The following ANK3 variants were observed in gnomAD, a reference collection of about 807,000 sequenced individuals.
ANK3 encodes the protein ankyrin 3.
ANK3 carries 57 observed loss-of-function variants against 370.9 expected under a neutral mutation model. The observed-to-expected ratio is 0.15, with a 90% CI of 0.12 to 0.19. ANK3 has a LOEUF of 0.19. Ranked by LOEUF, ANK3 falls within the 10% of genes least tolerant of loss-of-function variation. The pLI, the probability that ANK3 is intolerant of heterozygous loss-of-function variation, is 1.00. For synonymous variants in ANK3, 1,929 were observed against 1,946.3 expected (o/e 0.99, Z 0.23); for missense variants, 4,439 against 5,302.1 (o/e 0.84, Z 5.06).
At chr10:60,675,288 C>A (rs972876697) in intron 1 of ANK3, among the ~76,000 whole-genome samples, 2 of 152,196 alleles carry the variant, frequency 1.3e-5, no homozygotes, top group African/African-American at 4.8e-5. Flanking sequence ...CTATAAGGAT[C>A]TAGGCTACCT....
At chr10:60,639,785 G>T (rs535315950) in intron 1 of ANK3, among the ~76,000 whole-genome samples, 1 of 151,922 alleles carries the variant, frequency 6.6e-6, no homozygotes, top group Non-Finnish European at 1.5e-5. Flanking sequence ...TTCTAAAGAA[G>T]AATGGAAAAC....
At chr10:60,079,272 T>C (rs1276013769) in intron 36 of ANK3, among the ~76,000 whole-genome samples, 1 of 151,386 alleles carries the variant, frequency 6.6e-6, no homozygotes, top group Non-Finnish European at 1.5e-5. Flanking sequence ...TCAGCCCTTA[T>C]GTTTCTGGGA....
intron 24 of ANK3, among the ~76,000 whole-genome samples, chr10:60,135,600 G>C (rs61684596): frequency 0.015 from 2,347 of 152,256 alleles, 62 homozygotes; most frequent in African/African-American, 0.053. Flanking sequence ...AAAACCATCT[G>C]GATCTAAAAG....
At chr10:60,513,980 C>T (rs2076153489) in intron 2 of ANK3, among the ~76,000 whole-genome samples, 1 of 152,100 alleles carries the variant, frequency 6.6e-6, no homozygotes, top group South Asian at 2.1e-4. Context: ...GACAGCAAGA[C>T]CAACCCTTCC....
intron 2 of ANK3, 82 bp downstream of exon 2, chr10:60,279,456 C>A: frequency 9.0e-7 from 1 of 1,111,944 alleles, no homozygotes; most frequent in Non-Finnish European, 1.3e-6. Flanking sequence ...AAAAACCCCA[C>A]AAATAAATGA....
chr10:60,531,313 G>T (rs2076599997), intron 2 of ANK3, among the ~76,000 whole-genome samples: 2 of 152,102 alleles, frequency 1.3e-5, no homozygotes, highest in Non-Finnish European at 2.9e-5. Context: ...GGTGAAAACA[G>T]CAAGGTACAG....
chr10:60,397,900 T>C (rs1171230005), intron 2 of ANK3, among the ~76,000 whole-genome samples: 1 of 152,180 alleles, frequency 6.6e-6, no homozygotes, highest in African/African-American at 2.4e-5. Flanking sequence ...TCTTTCCCAA[T>C]ATCTTTTAAA....
chr10:60,453,118 A>T (rs1316454179), intron 2 of ANK3, among the ~76,000 whole-genome samples: 9 of 152,200 alleles, frequency 5.9e-5, no homozygotes, highest in Non-Finnish European at 1.3e-4. Flanking sequence ...TTAGAAACAG[A>T]CTTGAATTTG....
chr10:60,035,396 G>A (rs937203637), intron 43 of ANK3, among the ~76,000 whole-genome samples: 1 of 151,924 alleles, frequency 6.6e-6, no homozygotes, highest in East Asian at 2.0e-4. Flanking sequence ...CCACAGGCAT[G>A]TGCCACCATG....
intron 1 of ANK3, among the ~76,000 whole-genome samples, chr10:60,284,442 C>G (rs1473616215): frequency 3.3e-5 from 5 of 152,116 alleles, no homozygotes; most frequent in African/African-American, 1.2e-4. Flanking sequence ...GTGACTTTCC[C>G]AGGGACACAG....
rs185327619 is a variant in ANK3 at position 60,456,789 on chromosome 10, G to A, written c.96+158397C>T. 6.6e-5 allele frequency among the ~76,000 whole-genome samples: 10 copies of A among 152,000 alleles called. No homozygotes were observed. The East Asian group carries it at 1.7e-3, about 26-fold the overall frequency. ...GTCCTGGCTTATGAAAGCCTACTTGGGGATTGCCACCTGACTTCCAAATCG... is the reference window on the plus strand; with the variant it reads ...GTCCTGGCTTATGAAAGCCTACTTGAGGATTGCCACCTGACTTCCAAATCG... On this transcript the variant is annotated intron_variant, in intron 2 of 43. Coordinates refer to the ANK3 transcript ENST00000373827.
chr10:60,388,110 C>T (rs549092063), intron 1 of ANK3, among the ~76,000 whole-genome samples: 5 of 152,252 alleles, frequency 3.3e-5, no homozygotes, highest in Admixed American at 1.3e-4. Flanking sequence ...AACAACTGTG[C>T]TGTGCAAGGC....
intron 14 of ANK3, among the ~76,000 whole-genome samples, chr10:60,196,854 A>T (rs2096595285): frequency 6.6e-6 from 1 of 152,170 alleles, no homozygotes; most frequent in South Asian, 2.1e-4. Context: ...TGAGCATAAC[A>T]TACCAGGATA....
intron 30 of ANK3, among the ~76,000 whole-genome samples, chr10:60,085,460 T>C (rs1326824906): frequency 1.3e-5 from 2 of 152,252 alleles, no homozygotes; most frequent in Admixed American, 1.3e-4. Flanking sequence ...TGTAAGATGA[T>C]ATTAAATTAA....
At chr10:60,623,166 C>T (rs1390527364) in intron 1 of ANK3, among the ~76,000 whole-genome samples, 1 of 152,112 alleles carries the variant, frequency 6.6e-6, no homozygotes, top group African/African-American at 2.4e-5. Flanking sequence ...CAGGCATGAT[C>T]TTGGCTTTTA....
At chr10:60,648,060 T>C (rs1163055203) in intron 1 of ANK3, among the ~76,000 whole-genome samples, 1 of 151,308 alleles carries the variant, frequency 6.6e-6, no homozygotes, top group African/African-American at 2.4e-5. Context: ...TTGGCCAGGA[T>C]GGTCTGGATC....
At chr10:60,055,633 G>A (rs1347649150) in intron 42 of ANK3, 25 bp downstream of exon 42, 42 of 1,572,644 alleles carry the variant, frequency 2.7e-5, no homozygotes, top group Non-Finnish European at 3.5e-5. Context: ...TTCAATGACT[G>A]CTACCGGATG....
chr10:60,094,432 C>T (rs1353304539), intron 28 of ANK3, among the ~76,000 whole-genome samples: 1 of 152,026 alleles, frequency 6.6e-6, no homozygotes, highest in Non-Finnish European at 1.5e-5. Context: ...AAGTGATGTG[C>T]CCGCCTCAGC....
chr10:60,484,923 T>C (rs1414651440), intron 2 of ANK3, among the ~76,000 whole-genome samples: 1 of 152,196 alleles, frequency 6.6e-6, no homozygotes, highest in African/African-American at 2.4e-5. Flanking sequence ...TGTGTCTGTG[T>C]ATTTTGGCGT....
Sources: allele counts gnomAD v4.1 joint callset (sites outside exome capture counted in the v4.1 genomes callset), GRCh38; gene constraint gnomAD v4.1.1; transcripts MANE v1.5; gene names NCBI Gene and HGNC (gene_info 2026-07-23, HGNC 2026-07-21).